Variants in SBF2 observed in about 807,000 individuals in gnomAD.
SBF2 encodes myotubularin-related protein 13.
In SBF2, 112 loss-of-function variants were observed where a neutral mutation model predicts 225.2. The ratio of observed to expected loss-of-function variants is 0.50; its 90% CI spans 0.43 to 0.58. The LOEUF is 0.58. SBF2 is among the 20% of genes least tolerant of loss of function. The probability of loss-of-function intolerance (pLI) is 0.00; values close to 1 mark genes in which losing one functional copy is unlikely to be tolerated. For missense variants in SBF2, 1,996 were observed against 2,206.2 expected (o/e 0.90, Z 1.91); for synonymous variants, 763 against 773.3 (o/e 0.99, Z 0.22).
chr11:10,197,031 A>G (rs1416092079), intron 1 of SBF2, among the ~76,000 whole-genome samples: 2 of 151,788 alleles, frequency 1.3e-5, no homozygotes, highest in African/African-American at 4.8e-5. Context: ...CAAATCTTTA[A>G]CCTCATCTCA....
intron 2 of SBF2, among the ~76,000 whole-genome samples, chr11:10,157,190 G>T (rs561883421): frequency 6.6e-6 from 1 of 152,268 alleles, no homozygotes; most frequent in East Asian, 1.9e-4. Flanking sequence ...TTCAATAAAT[G>T]GCGCTGGAAT....
intron 13 of SBF2, among the ~76,000 whole-genome samples, chr11:9,988,249 T>C (rs1339511646): frequency 3.9e-5 from 6 of 152,192 alleles, no homozygotes; most frequent in Admixed American, 3.9e-4. Context: ...TCTCACCTTA[T>C]ACAAAAATCA....
intron 6 of SBF2, among the ~76,000 whole-genome samples, chr11:10,017,576 G>A (rs1948701748): frequency 6.6e-6 from 1 of 152,122 alleles, no homozygotes; most frequent in Admixed American, 6.5e-5. Flanking sequence ...GAGAGGTAAT[G>A]TTTACTATCT....
At chr11:9,863,478 C>G (rs1217355920) in intron 17 of SBF2, among the ~76,000 whole-genome samples, 1 of 152,208 alleles carries the variant, frequency 6.6e-6, no homozygotes, top group Non-Finnish European at 1.5e-5. Flanking sequence ...GATTTCCTAT[C>G]TAGTTCTGGT....
chr11:9,868,455 T>C (rs956372302), intron 17 of SBF2, among the ~76,000 whole-genome samples: 4 of 151,378 alleles, frequency 2.6e-5, no homozygotes, highest in African/African-American at 9.7e-5. Flanking sequence ...GAGGCGGAGC[T>C]TGCAGTGAAC....
chr11:9,950,434 A>T (rs2134322951), intron 16 of SBF2, among the ~76,000 whole-genome samples: 1 of 152,370 alleles, frequency 6.6e-6, no homozygotes, highest in African/African-American at 2.4e-5. Context: ...AAAAAGTTTT[A>T]AAATGACTAC....
chr11:9,963,395 G>T (rs980158067), intron 15 of SBF2, among the ~76,000 whole-genome samples: 4 of 152,108 alleles, frequency 2.6e-5, no homozygotes, highest in African/African-American at 9.7e-5. Context: ...AACTTGGGAC[G>T]TAGAGGCTGC....
Position 9,955,392 on chromosome 11 carries a change from T to C in SBF2, c.1860+6565A>G, listed in dbSNP as rs1443515797. On this transcript the variant is annotated intron_variant, in intron 16 of 39. Transcript: ENST00000256190. ...AACTTCCCTTTTGCCTACTTAGCAA[T>C]ATATAAGAAATTTTTCCATATCAGT... Among the ~76,000 whole-genome samples, 3 of 152,124 alleles carry C rather than the reference T, an allele frequency of 2.0e-5. No individual in the cohort carries two copies. The East Asian group carries it at 5.8e-4, about 29-fold the overall frequency.
intron 1 of SBF2, among the ~76,000 whole-genome samples, chr11:10,283,491 T>C (rs889692544): frequency 3.3e-5 from 5 of 152,060 alleles, no homozygotes; most frequent in Non-Finnish European, 1.5e-5. Context: ...CTAAGAAACA[T>C]GTCGAATGTT....
intron 2 of SBF2, among the ~76,000 whole-genome samples, chr11:10,089,335 T>A (rs1323357635): frequency 6.6e-6 from 1 of 152,200 alleles, no homozygotes; most frequent in East Asian, 1.9e-4. Context: ...GACTGGAAAA[T>A]CATTATGCAG....
chr11:10,212,673 C>CTA (rs1476780702), intron 1 of SBF2, among the ~76,000 whole-genome samples: 1 of 152,192 alleles, frequency 6.6e-6, no homozygotes. Flanking sequence ...CCTTAGTGAG[C>CTA]TACCCTTCCA....
In SBF2 at chr11:10,133,502, A is replaced by G. The variant is rs370624358; in HGVS notation, c.141+60400T>C. 4.4e-4 allele frequency among the ~76,000 whole-genome samples: 60 copies of G among 136,518 alleles called. 7 individuals carry two copies. Among genetic ancestry groups the G allele is most frequent in the East Asian group, 1.8e-3 (8 of 4,446 alleles). 89.6% of individuals were successfully genotyped at this position (136,518 alleles called of 152,430 possible). ...AAATCGAACGCAGTGCCGGTGGGCCAGCACTGCTGGGGGACTCAGTACACC... is the reference window on the plus strand; with the variant it reads ...AAATCGAACGCAGTGCCGGTGGGCCGGCACTGCTGGGGGACTCAGTACACC... On this transcript the variant is annotated intron_variant, in intron 2 of 39. Coordinates refer to ENST00000256190, the MANE Select transcript of SBF2 (RefSeq NM_030962.4).
intron 1 of SBF2, among the ~76,000 whole-genome samples, chr11:10,231,758 G>T (rs1232338049): frequency 6.6e-6 from 1 of 152,208 alleles, no homozygotes; most frequent in Non-Finnish European, 1.5e-5. Flanking sequence ...AGGGGTCAGG[G>T]ACCCACTTGA....
intron 28 of SBF2, chr11:9,819,260 T>C (rs1590153498): frequency 6.6e-6 from 1 of 152,156 alleles, no homozygotes; most frequent in East Asian, 1.9e-4. Context: ...TAGCTGAAGA[T>C]TTGGGATTTG....
chr11:9,938,283 T>C (rs1865029965), intron 16 of SBF2, among the ~76,000 whole-genome samples: 1 of 148,158 alleles, frequency 6.7e-6, no homozygotes, highest in Admixed American at 6.8e-5. Context: ...ACAGCGAGAC[T>C]CCGTCTCAGA....
At chr11:10,063,320 TA>T (rs1207455488) in intron 2 of SBF2, among the ~76,000 whole-genome samples, 5 of 114,916 alleles carry the variant, frequency 4.4e-5, no homozygotes, top group East Asian at 2.5e-4. Context: ...TAACCTAAAG[TA>T]AAAAAAATAT....
At chr11:10,070,243 G>A (rs1039834818) in intron 2 of SBF2, among the ~76,000 whole-genome samples, 22 of 152,176 alleles carry the variant, frequency 1.4e-4, no homozygotes, top group African/African-American at 4.8e-4. Flanking sequence ...TGCCTATGTC[G>A]TAAATGGTAC....
At position 10,031,143 on chromosome 11, in the gene SBF2, C is replaced by T. The variant is rs1262936102; in HGVS notation, c.307G>A (p.Glu103Lys). Residue 103 changes from glutamate to lysine, a missense_variant, in exon 4 of 40, where the codon GAA (glutamate) becomes AAA (lysine). Transcript: ENST00000256190. ...TGAATTAAACCAGACACTTTTGCTTCACCTTCAATCTCTTCCTTCTTTGTT... is the reference window on the plus strand; with the variant it reads ...TGAATTAAACCAGACACTTTTGCTTTACCTTCAATCTCTTCCTTCTTTGTT... Reference protein sequence around the residue: ...QGTKKEEIEGEAKVSGLIQPA... With the variant: ...QGTKKEEIEGKAKVSGLIQPA... 1.9e-6 allele frequency: 3 copies of T among 1,613,540 alleles called. No homozygotes were observed. The highest frequency in any genetic ancestry group is 2.5e-6 in the Non-Finnish European group (3 of 1,179,666).
chr11:9,854,960 G>A (rs1368420265), intron 19 of SBF2, among the ~76,000 whole-genome samples: 3 of 152,176 alleles, frequency 2.0e-5, no homozygotes, highest in Non-Finnish European at 4.4e-5. Context: ...CACTGGCAAT[G>A]GAGAATGGAG....
Sources: allele counts gnomAD v4.1 joint callset (sites outside exome capture counted in the v4.1 genomes callset), GRCh38; gene constraint gnomAD v4.1.1; transcripts MANE v1.5; gene names NCBI Gene and HGNC (gene_info 2026-07-23, HGNC 2026-07-21).